MYO10: variants seen among roughly 807,000 people sequenced by gnomAD.
MYO10 encodes the protein myosin X, also known as unconventional myosin-X.
Under a neutral mutation model 257.3 loss-of-function variants are expected in MYO10, and 133 were observed. That is an observed-to-expected ratio of 0.52 (90% CI 0.45 to 0.60). The LOEUF (loss-of-function observed/expected upper bound fraction) is 0.60. Ranked by LOEUF, MYO10 falls within the 20% of genes least tolerant of loss-of-function variation. The probability of loss-of-function intolerance (pLI) is 0.00; values close to 1 mark genes in which losing one functional copy is unlikely to be tolerated. For missense variants in MYO10, 2,399 were observed against 2,635.7 expected (o/e 0.91, Z 1.97); for synonymous variants, 1,104 against 1,028.6 (o/e 1.07, Z -1.40).
intron 9 of MYO10, among the ~76,000 whole-genome samples, chr5:16,774,560 T>C (rs1741158706): frequency 6.6e-6 from 1 of 152,008 alleles, no homozygotes; most frequent in Admixed American, 6.6e-5. Context: ...TAGCTGGGAC[T>C]ACAGGCGCCC....
In MYO10 at chr5:16,912,475, A is replaced by C. The variant is rs1472660117; in HGVS notation, c.21+23313T>G. The stretch of plus-strand genomic sequence containing the variant: ...GTAGCCTTTGTACACCGTGCCTTAC[A>C]TAGTCTGGGTCTCAATACTGGTTTT... On this transcript the variant is annotated intron_variant, in intron 1 of 40. Coordinates refer to ENST00000513610, the MANE Select transcript of MYO10 (RefSeq NM_012334.3). Among the ~76,000 whole-genome samples the C allele has an allele frequency of 3.3e-5, 5 of 152,096 alleles. No homozygotes were observed. The East Asian group carries it at 9.6e-4, about 29-fold the overall frequency.
intron 2 of MYO10, among the ~76,000 whole-genome samples, chr5:16,842,902 AAAAG>A (rs1442809198): frequency 6.6e-6 from 1 of 151,650 alleles, no homozygotes; most frequent in Non-Finnish European, 1.5e-5. Flanking sequence ...TCTACTAAAA[AAAAG>A]AGAGAGAAAA....
chr5:16,707,219 T>C (rs1488414966), intron 21 of MYO10, among the ~76,000 whole-genome samples: 3 of 152,224 alleles, frequency 2.0e-5, no homozygotes, highest in African/African-American at 4.8e-5. Context: ...CCATTAAACC[T>C]CTTTCTTTTA....
At chr5:16,689,774 G>A (rs1198023388) in intron 28 of MYO10, 50 bp downstream of exon 28, 5 of 1,420,514 alleles carry the variant, frequency 3.5e-6, no homozygotes, top group East Asian at 2.3e-5. Context: ...TCACACCTGT[G>A]CATGAGGGAG....
intron 3 of MYO10, among the ~76,000 whole-genome samples, chr5:16,811,747 C>T (rs772898544): frequency 3.3e-5 from 5 of 152,128 alleles, no homozygotes; most frequent in African/African-American, 4.8e-5. Flanking sequence ...GATGGGACTT[C>T]GCCAAATTGC....
intron 3 of MYO10, among the ~76,000 whole-genome samples, chr5:16,806,044 T>G (rs1440718800): frequency 6.6e-6 from 1 of 152,204 alleles, no homozygotes; most frequent in Non-Finnish European, 1.5e-5. Context: ...CAATAATTTT[T>G]TTTTAATCAA....
At chr5:16,898,151 G>A (rs897536842) in intron 1 of MYO10, among the ~76,000 whole-genome samples, 4 of 152,096 alleles carry the variant, frequency 2.6e-5, no homozygotes, top group African/African-American at 4.8e-5. Flanking sequence ...GGGCCCCAGG[G>A]ATAAAGCTTT....
At chr5:16,707,854 A>G (rs79293684) in intron 21 of MYO10, among the ~76,000 whole-genome samples, 197 of 152,302 alleles carry the variant, frequency 1.3e-3, no homozygotes, top group African/African-American at 4.6e-3. Flanking sequence ...ACAAGAACAA[A>G]TATGTTTTGG....
At chr5:16,777,105 A>T (rs573306257) in intron 9 of MYO10, among the ~76,000 whole-genome samples, 2 of 152,304 alleles carry the variant, frequency 1.3e-5, no homozygotes, top group South Asian at 4.1e-4. Context: ...TGAGAGGTCT[A>T]AAGGGCCAAT....
chr5:16,882,971 A>G (rs1288519407), intron 1 of MYO10, among the ~76,000 whole-genome samples: 4 of 146,622 alleles, frequency 2.7e-5, no homozygotes, highest in Non-Finnish European at 5.9e-5. Flanking sequence ...GCTGGAATGC[A>G]GTAGTGCAAT....
intron 1 of MYO10, among the ~76,000 whole-genome samples, chr5:16,931,345 C>T (rs1309959482): frequency 6.6e-6 from 1 of 152,086 alleles, no homozygotes; most frequent in Non-Finnish European, 1.5e-5. Flanking sequence ...CAGGAGAGCA[C>T]ATTCAAGGTT....
intron 35 of MYO10, 142 bp from the exon 36 acceptor site, chr5:16,674,031 G>A: frequency 1.5e-6 from 1 of 679,722 alleles, no homozygotes; most frequent in Non-Finnish European, 2.5e-6. Context: ...TGACTTCTTG[G>A]CAAGGGCCCG....
intron 9 of MYO10, among the ~76,000 whole-genome samples, chr5:16,770,992 T>C (rs1741032266): frequency 6.6e-6 from 1 of 152,094 alleles, no homozygotes; most frequent in African/African-American, 2.4e-5. Flanking sequence ...GGTCTCGAAC[T>C]CCCAACCTCA....
intron 28 of MYO10, among the ~76,000 whole-genome samples, chr5:16,686,869 A>T (rs1737277385): frequency 1.3e-5 from 2 of 152,132 alleles, no homozygotes; most frequent in South Asian, 4.1e-4. Context: ...TGGGGTTTTC[A>T]ACCATCTAAC....
In MYO10 at chr5:16,761,960, T is replaced by C. The variant is rs1740725179; in HGVS notation, c.1656+85A>G. The C allele has an allele frequency of 2.2e-6, 3 of 1,371,898 alleles. No individual in the cohort carries two copies. The East Asian group carries it at 7.7e-5, about 35-fold the overall frequency. The allele number at this position is 1,371,898 out of a possible 1,614,324, so 85.0% of individuals were successfully genotyped here. On this transcript the variant is annotated intron_variant, in intron 16 of 40. Coordinates refer to ENST00000513610, the MANE Select transcript of MYO10 (RefSeq NM_012334.3). ...ATGTGAGCCACCATGCCCAGCCCAATAAATTCATGATTGGCTTCTGAAACC... is the reference window on the plus strand; with the variant it reads ...ATGTGAGCCACCATGCCCAGCCCAACAAATTCATGATTGGCTTCTGAAACC...
chr5:16,817,529 C>T (rs111341177), intron 3 of MYO10, among the ~76,000 whole-genome samples: 1,751 of 152,294 alleles, frequency 0.011, 14 homozygotes, highest in Middle Eastern at 0.02. Flanking sequence ...AATCCCACAA[C>T]TTAGAAAGAT....
intron 2 of MYO10, among the ~76,000 whole-genome samples, chr5:16,870,764 C>A (rs1005580803): frequency 2.0e-5 from 3 of 152,000 alleles, no homozygotes; most frequent in African/African-American, 7.3e-5. Flanking sequence ...TGGTGGCATG[C>A]GCCTGTAATC....
intron 3 of MYO10, among the ~76,000 whole-genome samples, chr5:16,812,856 A>G (rs1460630065): frequency 5.3e-5 from 8 of 152,156 alleles, no homozygotes; most frequent in African/African-American, 1.9e-4. Context: ...AATTATCAAT[A>G]CGGAGCCAAA....
intron 26 of MYO10, among the ~76,000 whole-genome samples, chr5:16,695,484 G>C (rs573725962): frequency 6.6e-6 from 1 of 151,272 alleles, no homozygotes; most frequent in South Asian, 2.1e-4. Context: ...TCAAAGAAAA[G>C]CATCATCTGA....
Sources: gnomAD v4.1 joint callset for allele counts (sites outside exome capture counted in the v4.1 genomes callset) on GRCh38, gnomAD v4.1.1 for gene constraint, MANE v1.5 for transcripts, NCBI Gene and HGNC (gene_info 2026-07-23, HGNC 2026-07-21) for gene names.